The following CCDC7 variants were observed in gnomAD, a reference collection of about 807,000 sequenced individuals.
The protein encoded by CCDC7 is coiled-coil domain-containing protein 7.
In CCDC7, 183 loss-of-function variants were observed where a neutral mutation model predicts 196.9. That is an observed-to-expected ratio of 0.93 (90% CI 0.82 to 1.05). CCDC7 has a LOEUF of 1.05. Ranked by LOEUF, CCDC7 falls within the 50% of genes least tolerant of loss-of-function variation. The pLI is 0.00. For synonymous variants in CCDC7, 525 were observed against 484.6 expected, an observed-to-expected ratio of 1.08 and a Z score of -1.10; for missense variants, 1,540 against 1,482.2, an observed-to-expected ratio of 1.04 and a Z score of -0.64.
exon 26 of CCDC7, chr10:32,726,743 A>C (rs143348207): frequency 6.3e-7 from 1 of 1,584,208 alleles, no homozygotes; most frequent in African/African-American, 1.4e-5. Context: ...GTACCAGATA[A>C]AAATTCTATG....
At chr10:32,671,431 A>G (rs961834783) in intron 21 of CCDC7, among the ~76,000 whole-genome samples, 7 of 152,188 alleles carry the variant, frequency 4.6e-5, no homozygotes, top group Admixed American at 1.3e-4. Flanking sequence ...AGTAGGCTAT[A>G]CCATGTAGGT....
chr10:32,800,458 A>C lies in CCDC7; in HGVS notation c.3014-4557A>C, dbSNP rs570983308. Among the ~76,000 whole-genome samples, 4 of 152,246 alleles carry C rather than the reference A, an allele frequency of 2.6e-5. No individual in the cohort carries two copies. The South Asian group carries it at 8.3e-4, about 32-fold the overall frequency. ...TCCAAGGACCCACTGGAGCCACTCT[A>C]TGTTGGATCTGAGCTAAAACTCCAT... On this transcript the variant is annotated intron_variant, in intron 29 of 41. Coordinates refer to ENST00000639629, the Ensembl canonical transcript of CCDC7.
At chr10:32,819,912 G>C (rs1341919462) in intron 31 of CCDC7, among the ~76,000 whole-genome samples, 1 of 152,168 alleles carries the variant, frequency 6.6e-6, no homozygotes, top group Non-Finnish European at 1.5e-5. Context: ...GCACAAGACA[G>C]GGATGTCCTC....
chr10:32,601,271 A>G (rs1431109770), intron 18 of CCDC7, among the ~76,000 whole-genome samples: 2 of 152,124 alleles, frequency 1.3e-5, no homozygotes, highest in Non-Finnish European at 2.9e-5. Flanking sequence ...AGGTTTCACC[A>G]TGTTGACCAG....
At chr10:32,761,516 G>A (rs2077465279) in intron 28 of CCDC7, among the ~76,000 whole-genome samples, 1 of 151,980 alleles carries the variant, frequency 6.6e-6, no homozygotes, top group South Asian at 2.1e-4. Context: ...GTTAGACAAA[G>A]TGGGGAAAGA....
intron 28 of CCDC7, among the ~76,000 whole-genome samples, chr10:32,772,808 C>G (rs578084484): frequency 6.6e-6 from 1 of 152,300 alleles, no homozygotes; most frequent in South Asian, 2.1e-4. Context: ...CTTTCAGGAT[C>G]CCTGGTGGGG....
intron 23 of CCDC7, among the ~76,000 whole-genome samples, chr10:32,692,776 A>C (rs1051728111): frequency 6.6e-6 from 1 of 152,178 alleles, no homozygotes; most frequent in Non-Finnish European, 1.5e-5. Flanking sequence ...CCCCAGCTCT[A>C]CCAGTGTCCC....
At chr10:32,443,475 A>G (rs1005708932), upstream of CCDC7, among the ~76,000 whole-genome samples, 2 of 152,200 alleles carry the variant, frequency 1.3e-5, no homozygotes, top group South Asian at 4.1e-4. Flanking sequence ...CTATGATTTA[A>G]TTTAAATTAA....
intron 25 of CCDC7, among the ~76,000 whole-genome samples, chr10:32,721,105 A>G (rs1324885786): frequency 2.0e-5 from 3 of 152,152 alleles, no homozygotes; most frequent in African/African-American, 7.2e-5. Context: ...AAAGAAAAAA[A>G]AAAGATATTT....
rs1592573445 is a variant in CCDC7 at position 32,769,720 on chromosome 10, G to A, written c.2906-9257G>A. ...TTGTTCAACTCCCACTTATGAGTGA[G>A]AACATGCAGTGTTTGGTTTTCTGCT... On this transcript the variant is annotated intron_variant, in intron 28 of 41. Coordinates refer to ENST00000639629, the Ensembl canonical transcript of CCDC7. 2.0e-5 allele frequency among the ~76,000 whole-genome samples: 3 copies of A among 151,778 alleles called. No homozygotes were observed. In the East Asian group the frequency reaches 5.8e-4, roughly 30 times the overall value.
At chr10:32,470,551 T>C (rs2037744840) in intron 5 of CCDC7, among the ~76,000 whole-genome samples, 1 of 152,160 alleles carries the variant, frequency 6.6e-6, no homozygotes, top group South Asian at 2.1e-4. Flanking sequence ...GCTTGATCTA[T>C]TCCAAAGGTC....
chr10:32,715,589 A>G lies in CCDC7; in HGVS notation c.2569+3859A>G, dbSNP rs150982936. On this transcript the variant is annotated intron_variant, in intron 25 of 41. Transcript: ENST00000639629. ...AGAAGTAGGCTTCAGGAGGTGGGTA[A>G]TAACAAACTCCTCTGAGCTAAAGGA... 4.6e-3 allele frequency among the ~76,000 whole-genome samples: 704 copies of G among 152,266 alleles called. 31 individuals carry two copies. The East Asian group carries it at 0.12, about 25-fold the overall frequency.
intron 21 of CCDC7, among the ~76,000 whole-genome samples, chr10:32,678,242 G>A (rs1292414226): frequency 6.6e-6 from 1 of 152,018 alleles, no homozygotes; most frequent in Non-Finnish European, 1.5e-5. Context: ...TCTCTTATTT[G>A]AGCTATATTT....
chr10:32,532,415 A>G lies in CCDC7; in HGVS notation c.994-10885A>G, dbSNP rs147836449. ...ACAAATTATACTTGATATGATTTCTATGTTTTGCATTTGTTAAGATTTGTT... is the reference window on the plus strand; with the variant it reads ...ACAAATTATACTTGATATGATTTCTGTGTTTTGCATTTGTTAAGATTTGTT... On this transcript the variant is annotated intron_variant, in intron 11 of 41. Transcript: ENST00000639629. Among the ~76,000 whole-genome samples the G allele has an allele frequency of 9.4e-4, 143 of 152,248 alleles. 1 individual carries two copies. The East Asian group carries it at 0.021, about 22-fold the overall frequency.
rs12415875 is a variant in CCDC7, at chr10:32,478,639, G to A, written c.796+4616G>A. ...TTTTTGAATATTGGACTAGCCTTAC[G>A]TACCTGGAATAACCCATTTGGTTGT... On this transcript the variant is annotated intron_variant, in intron 8 of 41. Coordinates refer to ENST00000639629, the Ensembl canonical transcript of CCDC7. Among the ~76,000 whole-genome samples the A allele has an allele frequency of 5.0e-3, 766 of 152,158 alleles. 10 individuals are homozygous for A. The highest frequency in any genetic ancestry group is 0.02 in the Admixed American group (311 of 15,292).
At chr10:32,583,769 G>A (rs1590167016) in intron 17 of CCDC7, among the ~76,000 whole-genome samples, 1 of 152,170 alleles carries the variant, frequency 6.6e-6, no homozygotes, top group East Asian at 1.9e-4. Flanking sequence ...GGGCAAAAAT[G>A]CTGGGAAAAA....
intron 9 of CCDC7, among the ~76,000 whole-genome samples, chr10:32,496,498 A>G (rs1006561162): frequency 8.6e-5 from 13 of 151,998 alleles, no homozygotes; most frequent in African/African-American, 2.9e-4. Flanking sequence ...TTGCCCATTC[A>G]GTATGATATA....
At chr10:32,633,302 T>G (rs915993304) in intron 18 of CCDC7, among the ~76,000 whole-genome samples, 1 of 152,146 alleles carries the variant, frequency 6.6e-6, no homozygotes, top group Non-Finnish European at 1.5e-5. Flanking sequence ...TATTTAGAAA[T>G]GAGGAATTCT....
At chr10:32,693,697 G>A (rs779036910) in intron 23 of CCDC7, among the ~76,000 whole-genome samples, 5 of 152,182 alleles carry the variant, frequency 3.3e-5, no homozygotes, top group Non-Finnish European at 7.3e-5. Context: ...ATGGTCTGGA[G>A]TTAGCACATT....
Sources: allele counts gnomAD v4.1 joint callset (sites outside exome capture counted in the v4.1 genomes callset), GRCh38; gene constraint gnomAD v4.1.1; transcripts MANE v1.5; gene names NCBI Gene and HGNC (gene_info 2026-07-23, HGNC 2026-07-21).